The following RCAN2 variants were observed in gnomAD, a reference collection of about 807,000 sequenced individuals.
The protein encoded by RCAN2 is calcipressin-2.
In RCAN2, 9 loss-of-function variants were observed where a neutral mutation model predicts 23.6. The ratio of observed to expected loss-of-function variants is 0.38; its 90% CI spans 0.23 to 0.67. The LOEUF (loss-of-function observed/expected upper bound fraction) is 0.67, where lower values mean the gene tolerates loss of function less well. RCAN2 is among the 30% of genes least tolerant of loss of function. The probability of loss-of-function intolerance (pLI) is 0.51; values close to 1 mark genes in which losing one functional copy is unlikely to be tolerated. For missense variants in RCAN2, 273 were observed against 302.3 expected (o/e 0.90, Z 0.72); for synonymous variants, 109 against 115.7 (o/e 0.94, Z 0.37).
intron 2 of RCAN2, among the ~76,000 whole-genome samples, chr6:46,441,380 C>A (rs1465436389): frequency 6.6e-6 from 1 of 152,208 alleles, no homozygotes; most frequent in African/African-American, 2.4e-5. Flanking sequence ...CTGTATTCAA[C>A]ATCTGGGACA....
intron 2 of RCAN2, among the ~76,000 whole-genome samples, chr6:46,340,366 G>T (rs1253253034): frequency 6.6e-6 from 1 of 152,194 alleles, no homozygotes; most frequent in Non-Finnish European, 1.5e-5. Flanking sequence ...CAAGGTTTGT[G>T]CTCCCCCTGT....
intron 2 of RCAN2, among the ~76,000 whole-genome samples, chr6:46,363,731 T>C (rs1254375766): frequency 6.6e-6 from 1 of 152,142 alleles, no homozygotes; most frequent in Non-Finnish European, 1.5e-5. Flanking sequence ...ATCATTTAGT[T>C]TATAGAGGTA....
At chr6:46,312,055 G>A (rs374012859) in intron 2 of RCAN2, among the ~76,000 whole-genome samples, 8 of 152,164 alleles carry the variant, frequency 5.3e-5, no homozygotes, top group Middle Eastern at 3.4e-3. Context: ...ATCTCCTTCC[G>A]CCTCTTCTTC....
At chr6:46,367,431 G>T (rs1404113916) in intron 2 of RCAN2, among the ~76,000 whole-genome samples, 1 of 152,048 alleles carries the variant, frequency 6.6e-6, no homozygotes. Context: ...AAAAGATGTT[G>T]ACCTATTTAG....
intron 2 of RCAN2, among the ~76,000 whole-genome samples, chr6:46,366,281 A>C (rs1230029713): frequency 6.6e-6 from 1 of 152,180 alleles, no homozygotes; most frequent in African/African-American, 2.4e-5. Flanking sequence ...GGTGAAGTGC[A>C]AGACCTTTTC....
chr6:46,253,392 T>C (rs1017916789), intron 2 of RCAN2, among the ~76,000 whole-genome samples: 1 of 152,240 alleles, frequency 6.6e-6, no homozygotes, highest in Non-Finnish European at 1.5e-5. Context: ...TCCATAACTA[T>C]ACTTTGCCTG....
intron 1 of RCAN2, among the ~76,000 whole-genome samples, chr6:46,475,151 G>A (rs9472758): frequency 0.041 from 6,177 of 152,212 alleles, 420 homozygotes; most frequent in African/African-American, 0.14. Context: ...GGTTGGAGGT[G>A]AGGTCCTTCT....
intron 2 of RCAN2, among the ~76,000 whole-genome samples, chr6:46,323,073 T>TTGTG (rs1299900302): frequency 1.3e-5 from 2 of 152,128 alleles, no homozygotes; most frequent in Non-Finnish European, 2.9e-5. Context: ...GCTAGAGTGT[T>TTGTG]TGTGTGTATT....
intron 2 of RCAN2, among the ~76,000 whole-genome samples, chr6:46,414,227 G>T (rs1766634337): frequency 6.6e-6 from 1 of 152,182 alleles, no homozygotes; most frequent in African/African-American, 2.4e-5. Flanking sequence ...CAGATATCAT[G>T]AATTATACAA....
At chr6:46,430,256 G>C (rs986589948) in intron 2 of RCAN2, among the ~76,000 whole-genome samples, 1 of 152,120 alleles carries the variant, frequency 6.6e-6, no homozygotes, top group African/African-American at 2.4e-5. Context: ...AAATAGGAGA[G>C]ATATTTAGGA....
intron 2 of RCAN2, among the ~76,000 whole-genome samples, chr6:46,442,146 T>C (rs1767566072): frequency 2.0e-5 from 3 of 152,184 alleles, no homozygotes; most frequent in Non-Finnish European, 4.4e-5. Flanking sequence ...TCCTCAGCTG[T>C]TGAGACTAAA....
intron 2 of RCAN2, among the ~76,000 whole-genome samples, chr6:46,339,674 A>G (rs1764244272): frequency 6.6e-6 from 1 of 152,164 alleles, no homozygotes; most frequent in Admixed American, 6.5e-5. Context: ...TAGCTTCTTG[A>G]CCATCCCTGC....
At chr6:46,288,588 T>G (rs1762444684) in intron 2 of RCAN2, among the ~76,000 whole-genome samples, 1 of 152,240 alleles carries the variant, frequency 6.6e-6, no homozygotes, top group Admixed American at 6.5e-5. Context: ...TTCAAAAAGT[T>G]ATCTGCATTT....
intron 2 of RCAN2, among the ~76,000 whole-genome samples, chr6:46,364,941 A>G (rs911406351): frequency 7.9e-5 from 12 of 152,072 alleles, no homozygotes; most frequent in African/African-American, 2.9e-4. Context: ...TCTACCTGGA[A>G]TGCTCTTTCT....
chr6:46,379,521 C>T (rs1765566567), intron 2 of RCAN2, among the ~76,000 whole-genome samples: 1 of 152,158 alleles, frequency 6.6e-6, no homozygotes, highest in African/African-American at 2.4e-5. Context: ...CGGGCAATTT[C>T]ATGTAATCCA....
intron 2 of RCAN2, among the ~76,000 whole-genome samples, chr6:46,356,744 G>A (rs924415118): frequency 1.5e-4 from 23 of 152,176 alleles, no homozygotes; most frequent in Non-Finnish European, 4.4e-5. Context: ...GAGGAAGTGG[G>A]AGAAATGAGA....
chr6:46,305,239 T>G (rs541889424), intron 2 of RCAN2, among the ~76,000 whole-genome samples: 2 of 152,208 alleles, frequency 1.3e-5, no homozygotes, highest in African/African-American at 4.8e-5. Flanking sequence ...GGAGAGAAAC[T>G]TTGATGCATG....
At chr6:46,460,074 T>G (rs914029788) in intron 1 of RCAN2, among the ~76,000 whole-genome samples, 5 of 151,974 alleles carry the variant, frequency 3.3e-5, no homozygotes, top group Non-Finnish European at 5.9e-5. Flanking sequence ...TTTCCACTTT[T>G]TCAGAGAGGG....
chr6:46,233,816 C>T (rs1287816340), intron 4 of RCAN2, among the ~76,000 whole-genome samples: 1 of 151,756 alleles, frequency 6.6e-6, no homozygotes, highest in Non-Finnish European at 1.5e-5. Context: ...CAACCTCTGC[C>T]TCCTGGGTTC....
Sources: allele counts gnomAD v4.1 joint callset (sites outside exome capture counted in the v4.1 genomes callset), GRCh38; gene constraint gnomAD v4.1.1; transcripts MANE v1.5; gene names NCBI Gene and HGNC (gene_info 2026-07-23, HGNC 2026-07-21).